Variants in WDPCP observed in about 807,000 individuals in gnomAD.
WDPCP encodes WD repeat containing planar cell polarity effector.
Under a neutral mutation model 93.1 loss-of-function variants are expected in WDPCP, and 71 were observed. That is an observed-to-expected ratio of 0.76 (90% CI 0.63 to 0.93). WDPCP has a LOEUF of 0.93. Ranked by LOEUF, WDPCP falls within the 40% of genes least tolerant of loss-of-function variation. WDPCP has a pLI of 0.00. For missense variants in WDPCP, 844 were observed against 887.4 expected, an observed-to-expected ratio of 0.95 and a Z score of 0.62; for synonymous variants, 315 against 315.0, an observed-to-expected ratio of 1.00 and a Z score of 0.00.
chr2:63,455,763 A>G (rs1285173352), intron 6 of WDPCP, among the ~76,000 whole-genome samples: 2 of 152,196 alleles, frequency 1.3e-5, no homozygotes, highest in African/African-American at 4.8e-5. Context: ...TCTCAGCATT[A>G]GCCAGATCAT....
In WDPCP at chr2:63,258,466, T is replaced by C. The variant is rs72890573; in HGVS notation, c.1915+841A>G. ...GAAGCTGACAATTGGTCCCTTTGGC[T>C]GCAAACAGCATTACAAAAACAAAGC... is the stretch of plus-strand genomic sequence containing the variant. On this transcript the variant is annotated intron_variant, in intron 14 of 17. Transcript: ENST00000272321. Among the ~76,000 whole-genome samples the C allele has an allele frequency of 4.9e-3, 750 of 152,288 alleles. 6 individuals are homozygous for C. Among genetic ancestry groups the C allele is most frequent in the African/African-American group, 0.017 (716 of 41,574 alleles).
chr2:63,209,229 G>C (rs1676574497), intron 14 of WDPCP, among the ~76,000 whole-genome samples: 1 of 152,158 alleles, frequency 6.6e-6, no homozygotes, highest in South Asian at 2.1e-4. Flanking sequence ...CCATAAAATA[G>C]AATAAATGTT....
intron 1 of WDPCP, among the ~76,000 whole-genome samples, chr2:63,498,274 C>T (rs1701345573): frequency 6.6e-6 from 1 of 152,082 alleles, no homozygotes; most frequent in Non-Finnish European, 1.5e-5. Context: ...ATTTTGAATC[C>T]AAGCTTCCTA....
chr2:63,241,993 C>T (rs1241987667), intron 14 of WDPCP, among the ~76,000 whole-genome samples: 1 of 152,004 alleles, frequency 6.6e-6, no homozygotes, highest in Non-Finnish European at 1.5e-5. Context: ...TGACATGTCT[C>T]TGGTAACAAA....
At chr2:63,585,631 G>A (rs1223211712) in intron 1 of WDPCP, among the ~76,000 whole-genome samples, 3 of 151,688 alleles carry the variant, frequency 2.0e-5, no homozygotes, top group Admixed American at 2.0e-4. Flanking sequence ...CAATGTAAAG[G>A]CATCTTTACA....
At chr2:63,751,865 T>C in intron 2 of WDPCP, 1 of 679,834 alleles carries the variant, frequency 1.5e-6, no homozygotes, top group Admixed American at 1.8e-5. Context: ...CCAAAAGCAT[T>C]GTAGCTTCCA....
intron 3 of WDPCP, among the ~76,000 whole-genome samples, chr2:63,641,152 A>C (rs533079074): frequency 2.6e-5 from 4 of 152,244 alleles, no homozygotes; most frequent in South Asian, 2.1e-4. Context: ...ACAGGATTTC[A>C]TTCTTTTTAT....
chr2:63,506,458 G>C (rs147062987), intron 1 of WDPCP, among the ~76,000 whole-genome samples: 2 of 152,016 alleles, frequency 1.3e-5, no homozygotes, highest in East Asian at 3.9e-4. Flanking sequence ...AAAGGCAAAG[G>C]AACTAGTGGC....
chr2:63,268,432 T>G (rs1682342496), intron 13 of WDPCP, among the ~76,000 whole-genome samples: 1 of 152,150 alleles, frequency 6.6e-6, no homozygotes, highest in Non-Finnish European at 1.5e-5. Context: ...AATAGCAATG[T>G]ATTGTATATT....
At position 63,313,383 on chromosome 2, in the gene WDPCP, C is replaced by T. The variant is rs1382211564; in HGVS notation, c.1749-72G>A. The stretch of plus-strand genomic sequence containing the variant: ...TAAAAGAAAAGAGCTGTTTATTTAA[C>T]ATATATCTGTGATACTGTTTTTGTC... On this transcript the variant is annotated intron_variant, in intron 12 of 17. Transcript: ENST00000272321. The T allele has an allele frequency of 2.1e-6, 3 of 1,444,308 alleles. No individual in the cohort carries two copies. The African/African-American group carries it at 4.3e-5, about 20-fold the overall frequency. The allele number at this position is 1,444,308 out of a possible 1,614,324, so 89.5% of individuals were successfully genotyped here.
chr2:63,441,561 A>G (rs1316913254), intron 6 of WDPCP: 1 of 152,092 alleles, frequency 6.6e-6, no homozygotes, highest in East Asian at 1.9e-4. Context: ...AGTGCCAGGA[A>G]TACAGTAGGT....
chr2:63,179,876 G>A (rs2104072182), intron 14 of WDPCP, among the ~76,000 whole-genome samples: 1 of 152,206 alleles, frequency 6.6e-6, no homozygotes, highest in East Asian at 1.9e-4. Flanking sequence ...TTCTGTGATT[G>A]CTGTCTTTTA....
intron 13 of WDPCP, among the ~76,000 whole-genome samples, chr2:63,312,186 CAAT>C (rs1374000117): frequency 2.6e-5 from 4 of 151,928 alleles, no homozygotes; most frequent in Admixed American, 2.6e-4. Context: ...TTTTTATGAT[CAAT>C]AATAGTATAA....
intron 10 of WDPCP, among the ~76,000 whole-genome samples, chr2:63,401,677 T>C (rs557379957): frequency 6.6e-6 from 1 of 152,218 alleles, no homozygotes; most frequent in South Asian, 2.1e-4. Context: ...TGGTGGCACA[T>C]GCCTGTAATC....
intron 2 of WDPCP, among the ~76,000 whole-genome samples, chr2:63,654,453 T>A (rs1429264235): frequency 6.6e-6 from 1 of 152,244 alleles, no homozygotes; most frequent in Non-Finnish European, 1.5e-5. Flanking sequence ...GGCTGAGATG[T>A]CCACTGATCA....
chr2:63,607,090 A>G lies in WDPCP; in HGVS notation n.488+43569T>C. 2.6e-6 allele frequency: 3 copies of G among 1,175,026 alleles called. No individual in the cohort carries two copies. The South Asian group carries it at 5.1e-5, about 20-fold the overall frequency. The allele number at this position is 1,175,026 out of a possible 1,614,324, so 72.8% of individuals were successfully genotyped here. On this transcript the variant is annotated intron_variant and non_coding_transcript_variant, in intron 3 of 4. Coordinates refer to the WDPCP transcript ENST00000467687. ...AATGCTATACTTAAATTACTTGTGA[A>G]AAACAACACATTTTAAAGATTACGT...
At chr2:63,192,020 G>A (rs1250666074) in intron 14 of WDPCP, among the ~76,000 whole-genome samples, 1 of 152,128 alleles carries the variant, frequency 6.6e-6, no homozygotes. Flanking sequence ...TAAAAAATTT[G>A]CTCAGCCTTG....
upstream of WDPCP, among the ~76,000 whole-genome samples, chr2:63,828,582 T>C (rs1447458108): frequency 1.3e-5 from 2 of 152,132 alleles, no homozygotes; most frequent in African/African-American, 4.8e-5. Flanking sequence ...TGCTTCATTT[T>C]CTCCTTTTTA....
chr2:63,605,861 C>A (rs1709517081), intron 3 of WDPCP: 7 of 1,177,794 alleles, frequency 5.9e-6, no homozygotes, highest in Non-Finnish European at 9.0e-6. Flanking sequence ...GAAAGGGTCA[C>A]CTGGTTTAAT....
Sources: gnomAD v4.1 joint callset for allele counts (sites outside exome capture counted in the v4.1 genomes callset) on GRCh38, gnomAD v4.1.1 for gene constraint, MANE v1.5 for transcripts, NCBI Gene and HGNC (gene_info 2026-07-23, HGNC 2026-07-21) for gene names.